ATRN: variants seen among roughly 807,000 people sequenced by gnomAD.
ATRN encodes attractin, also known as attractin-2.
ATRN carries 54 observed loss-of-function variants against 178.7 expected under a neutral mutation model. That is an observed-to-expected ratio of 0.30 (90% CI 0.24 to 0.38). The LOEUF is 0.38. ATRN is among the 10% of genes least tolerant of loss of function. The pLI, the probability that ATRN is intolerant of heterozygous loss-of-function variation, is 1.00. For synonymous variants in ATRN, 636 were observed against 663.0 expected, an observed-to-expected ratio of 0.96 and a Z score of 0.63; for missense variants, 1,443 against 1,815.1, an observed-to-expected ratio of 0.79 and a Z score of 3.73.
intron 1 of ATRN, among the ~76,000 whole-genome samples, chr20:3,498,032 C>T (rs907715632): frequency 3.9e-5 from 6 of 152,050 alleles, no homozygotes; most frequent in Non-Finnish European, 7.4e-5. Flanking sequence ...TACAAACTAC[C>T]ATCAGAGAAT....
chr20:3,639,238 A>G (rs755707579), intron 27 of ATRN, among the ~76,000 whole-genome samples: 1 of 150,572 alleles, frequency 6.6e-6, no homozygotes, highest in Admixed American at 6.6e-5. Context: ...TACATTGAAC[A>G]TCGAATCATT....
At chr20:3,478,549 A>G (rs1311382917) in intron 1 of ATRN, among the ~76,000 whole-genome samples, 1 of 152,056 alleles carries the variant, frequency 6.6e-6, no homozygotes, top group Non-Finnish European at 1.5e-5. Flanking sequence ...GTAGGGGGAT[A>G]GGGGAGGGAT....
intron 26 of ATRN, among the ~76,000 whole-genome samples, chr20:3,637,510 C>T (rs903765233): frequency 4.4e-4 from 67 of 152,190 alleles, no homozygotes; most frequent in Non-Finnish European, 1.3e-4. Flanking sequence ...CCTTCTAGAA[C>T]AGAGCCATAT....
chr20:3,472,704 T>A (rs2084448951), intron 1 of ATRN, among the ~76,000 whole-genome samples: 1 of 152,188 alleles, frequency 6.6e-6, no homozygotes, highest in African/African-American at 2.4e-5. Flanking sequence ...TTGTGGGAAT[T>A]CAGGGATGGA....
At chr20:3,547,041 T>C (rs182969) in intron 4 of ATRN, among the ~76,000 whole-genome samples, 37,817 of 152,128 alleles carry the variant, frequency 0.25, 5,144 homozygotes, top group African/African-American at 0.29. Context: ...ACTTTATGAG[T>C]TATTTATTCT....
intron 1 of ATRN, among the ~76,000 whole-genome samples, chr20:3,472,696 G>T (rs1427969451): frequency 2.0e-5 from 3 of 152,220 alleles, no homozygotes; most frequent in Admixed American, 2.0e-4. Flanking sequence ...CAGGGAACTT[G>T]TGGGAATTCA....
intron 25 of ATRN, chr20:3,629,064 T>A: frequency 2.0e-6 from 2 of 985,274 alleles, no homozygotes; most frequent in Non-Finnish European, 2.4e-6. Context: ...CCACTTCTCT[T>A]GCTTTCACTC....
At chr20:3,609,714 ATG>A (rs34028518) in intron 24 of ATRN, among the ~76,000 whole-genome samples, 18,967 of 146,058 alleles carry the variant, frequency 0.13, 1,375 homozygotes, top group South Asian at 0.25. Context: ...GTATGTATGT[ATG>A]TGTGTGTGTG....
At chr20:3,597,808 C>T (rs1600143324) in intron 21 of ATRN, 98 bp from the exon 22 acceptor site, 3 of 715,716 alleles carry the variant, frequency 4.2e-6, no homozygotes, top group East Asian at 5.1e-5. Flanking sequence ...GTGCTTTCCT[C>T]GTTACTTAAT....
intron 9 of ATRN, 72 bp downstream of exon 9, chr20:3,562,531 G>A: frequency 6.7e-7 from 1 of 1,503,690 alleles, no homozygotes; most frequent in East Asian, 2.3e-5. Context: ...AAAATATTGT[G>A]CTATCTTTTT....
chr20:3,563,417 G>C, intron 10 of ATRN, 54 bp downstream of exon 10: 1 of 1,545,002 alleles, frequency 6.5e-7, no homozygotes, highest in South Asian at 1.2e-5. Context: ...TATACTATAA[G>C]CAGCATTTAA....
chr20:3,521,677 T>C (rs543055053), intron 1 of ATRN, among the ~76,000 whole-genome samples: 2 of 152,342 alleles, frequency 1.3e-5, no homozygotes, highest in Non-Finnish European at 2.9e-5. Context: ...ATGATACATA[T>C]CAACTGCAGA....
chr20:3,573,088 T>C, intron 12 of ATRN, 137 bp downstream of exon 12: 2 of 816,866 alleles, frequency 2.4e-6, no homozygotes, highest in Non-Finnish European at 3.8e-6. Flanking sequence ...GTACAAAGTG[T>C]TTTTGGATAT....
chr20:3,565,787 A>G (rs1249234831), intron 11 of ATRN, among the ~76,000 whole-genome samples: 2 of 109,256 alleles, frequency 1.8e-5, no homozygotes, highest in Non-Finnish European at 3.5e-5. Flanking sequence ...ACAGAGCAAG[A>G]CTCTGTCTCA....
intron 1 of ATRN, among the ~76,000 whole-genome samples, chr20:3,496,528 T>C (rs1192721615): frequency 6.6e-6 from 1 of 152,160 alleles, no homozygotes; most frequent in Non-Finnish European, 1.5e-5. Flanking sequence ...TAGTTTGTTA[T>C]AATTTCTGTT....
intron 25 of ATRN, among the ~76,000 whole-genome samples, chr20:3,630,916 CTTTTTTTTT>C (rs368394749): frequency 2.5e-4 from 11 of 43,446 alleles, no homozygotes; most frequent in African/African-American, 7.9e-4. Context: ...ATTTATTTAG[CTTTTTTTTT>C]TTTTTTTTTT....
intron 24 of ATRN, among the ~76,000 whole-genome samples, chr20:3,605,404 G>C (rs535254465): frequency 2.6e-5 from 4 of 152,146 alleles, no homozygotes; most frequent in African/African-American, 9.6e-5. Flanking sequence ...CCCATTACTG[G>C]GTGTATATCC....
intron 19 of ATRN, 28 bp from the exon 20 acceptor site, chr20:3,594,451 G>T: frequency 1.3e-6 from 2 of 1,563,090 alleles, no homozygotes; most frequent in South Asian, 1.2e-5. Flanking sequence ...AGCCAGTTGT[G>T]ACCTCTGTTC....
At chr20:3,511,579 A>G (rs955198102) in intron 1 of ATRN, among the ~76,000 whole-genome samples, 1 of 152,192 alleles carries the variant, frequency 6.6e-6, no homozygotes, top group Non-Finnish European at 1.5e-5. Context: ...GATTGTTTCT[A>G]TTTAGACATT....
Sources: gnomAD v4.1 joint callset for allele counts (sites outside exome capture counted in the v4.1 genomes callset) on GRCh38, gnomAD v4.1.1 for gene constraint, MANE v1.5 for transcripts, NCBI Gene and HGNC (gene_info 2026-07-23, HGNC 2026-07-21) for gene names.